Variants in FRMD4B observed in about 807,000 individuals in gnomAD.
FRMD4B encodes FERM domain containing 4B.
A neutral mutation model predicts 141.5 loss-of-function variants in FRMD4B; 74 were observed. The observed-to-expected ratio is 0.52, with a 90% CI of 0.43 to 0.63. FRMD4B has a LOEUF of 0.63. FRMD4B is among the 30% of genes least tolerant of loss of function. FRMD4B has a pLI of 0.00. For synonymous variants in FRMD4B, 506 were observed against 467.9 expected (o/e 1.08, Z -1.05); for missense variants, 1,366 against 1,253.4 (o/e 1.09, Z -1.36).
chr3:69,214,101 C>T (rs887964756), intron 11 of FRMD4B, among the ~76,000 whole-genome samples: 2 of 152,112 alleles, frequency 1.3e-5, no homozygotes. Context: ...TTTGTGTTAT[C>T]TGTGTCAGTT....
intron 4 of FRMD4B, among the ~76,000 whole-genome samples, chr3:69,299,089 C>A (rs1405833259): frequency 6.6e-6 from 1 of 152,014 alleles, no homozygotes; most frequent in African/African-American, 2.4e-5. Flanking sequence ...GAGATTTTTG[C>A]CTTCTTCACT....
intron 5 of FRMD4B, among the ~76,000 whole-genome samples, chr3:69,271,141 A>G (rs368102617): frequency 6.6e-6 from 1 of 152,212 alleles, no homozygotes; most frequent in Non-Finnish European, 1.5e-5. Flanking sequence ...AAATATCAGT[A>G]GTAGGCTTAA....
At chr3:69,302,268 A>G (rs1701241257) in intron 4 of FRMD4B, 75 bp downstream of exon 4, 1 of 752,294 alleles carries the variant, frequency 1.3e-6, no homozygotes, top group South Asian at 1.5e-5. Flanking sequence ...TGTAAAAAAT[A>G]GCAAAGAAAA....
chr3:69,220,866 T>C (rs770758643), intron 9 of FRMD4B, among the ~76,000 whole-genome samples: 5 of 151,990 alleles, frequency 3.3e-5, no homozygotes, highest in Non-Finnish European at 7.4e-5. Context: ...AAAGAGAGAT[T>C]AGAGCAAAGA....
chr3:69,216,427 C>CTT, intron 10 of FRMD4B, 78 bp from the exon 11 acceptor site: 13 of 607,788 alleles, frequency 2.1e-5, no homozygotes, highest in South Asian at 4.0e-5. Context: ...CCAATTTCAC[C>CTT]TCTTTTTTTT....
chr3:69,427,904 C>T (rs1705113844), intron 2 of FRMD4B, among the ~76,000 whole-genome samples: 1 of 152,020 alleles, frequency 6.6e-6, no homozygotes, highest in Admixed American at 6.6e-5. Context: ...GATCTGCCCA[C>T]CTCGGCCTCC....
chr3:69,422,633 C>A (rs1705000379), intron 2 of FRMD4B, among the ~76,000 whole-genome samples: 1 of 152,150 alleles, frequency 6.6e-6, no homozygotes, highest in African/African-American at 2.4e-5. Flanking sequence ...GGCAATTATT[C>A]ATTTCTGCCT....
intron 1 of FRMD4B, among the ~76,000 whole-genome samples, chr3:69,363,911 T>A (rs1703555394): frequency 6.6e-6 from 1 of 152,172 alleles, no homozygotes; most frequent in Non-Finnish European, 1.5e-5. Flanking sequence ...GGTGATCACC[T>A]CCAGCCTGAG....
intron 5 of FRMD4B, among the ~76,000 whole-genome samples, chr3:69,272,573 G>C (rs188545211): frequency 5.8e-4 from 89 of 152,220 alleles, no homozygotes; most frequent in Non-Finnish European, 1.1e-3. Context: ...ACATACACTC[G>C]TATGTGTGTA....
intron 1 of FRMD4B, among the ~76,000 whole-genome samples, chr3:69,346,494 C>T (rs1364706857): frequency 6.6e-6 from 1 of 152,110 alleles, no homozygotes; most frequent in Non-Finnish European, 1.5e-5. Flanking sequence ...CACAAAGATA[C>T]TCCTCGAGAA....
Position 69,460,693 on chromosome 3 carries a change from T to C in FRMD4B, c.-128-27932A>G, listed in dbSNP as rs550357127. On this transcript the variant is annotated intron_variant, in intron 1 of 5. Transcript: ENST00000459638. The stretch of plus-strand genomic sequence containing the variant: ...TGCCATTACTTAACCAAAGCAACCA[T>C]AGACAATATGGAAACAAATGGGTGT... Among the ~76,000 whole-genome samples, 18 of 152,264 alleles carry C rather than the reference T, an allele frequency of 1.2e-4. No homozygotes were observed. The South Asian group carries it at 3.3e-3, about 28-fold the overall frequency.
intron 5 of FRMD4B, among the ~76,000 whole-genome samples, chr3:69,251,720 C>A (rs1018563562): frequency 6.6e-6 from 1 of 152,204 alleles, no homozygotes; most frequent in African/African-American, 2.4e-5. Context: ...ATTACAAAAT[C>A]AAAGGGAAGC....
intron 1 of FRMD4B, among the ~76,000 whole-genome samples, chr3:69,495,767 A>G (rs1559545229): frequency 6.6e-6 from 1 of 152,206 alleles, no homozygotes; most frequent in Non-Finnish European, 1.5e-5. Context: ...AAGAGATGCT[A>G]AAGGGACTGT....
intron 1 of FRMD4B, among the ~76,000 whole-genome samples, chr3:69,474,696 C>T (rs1467342580): frequency 2.1e-5 from 3 of 144,364 alleles, no homozygotes; most frequent in East Asian, 2.0e-4. Context: ...GCATTGCTGC[C>T]GATCTTGTGT....
At position 69,536,582 on chromosome 3, in the gene FRMD4B, C is replaced by T. The variant is rs535278130; in HGVS notation, c.-129+5624G>A. 9.2e-4 allele frequency: 691 copies of T among 749,786 alleles called. 1 individual carries two copies. Among genetic ancestry groups the T allele is most frequent in the Middle Eastern group, 6.5e-3 (24 of 3,712 alleles). The allele number at this position is 749,786 out of a possible 1,614,324, so 46.4% of individuals were successfully genotyped here. Reference sequence around the variant, plus strand: ...GAGAGGGCAGGAGGCGGCATGCCACCGGGAAGCTGCTGCAGCTCAGGCCTG... The same window carrying T: ...GAGAGGGCAGGAGGCGGCATGCCACTGGGAAGCTGCTGCAGCTCAGGCCTG... On this transcript the variant is annotated intron_variant, in intron 1 of 5. Coordinates refer to the FRMD4B transcript ENST00000459638.
At chr3:69,434,759 G>A (rs1489243815) in intron 1 of FRMD4B, among the ~76,000 whole-genome samples, 3 of 152,190 alleles carry the variant, frequency 2.0e-5, no homozygotes, top group Non-Finnish European at 4.4e-5. Context: ...GCAAAGAAAT[G>A]TTAAGATCTC....
chr3:69,466,758 T>C (rs1189993359), intron 1 of FRMD4B, among the ~76,000 whole-genome samples: 4 of 152,166 alleles, frequency 2.6e-5, no homozygotes, highest in Non-Finnish European at 5.9e-5. Context: ...GTGCAGTGGC[T>C]CAATCATGGC....
rs535347198 is a variant in FRMD4B, at chr3:69,529,347, G to T, written c.-129+12859C>A. On this transcript the variant is annotated intron_variant, in intron 1 of 5. Coordinates refer to the FRMD4B transcript ENST00000459638. ...GAATAACCAAGCATGTCTATAGGCA[G>T]AATGTAGCCTATGGGCCATTAGTTT... Among the ~76,000 whole-genome samples, 3 of 152,328 alleles carry T rather than the reference G, an allele frequency of 2.0e-5. No homozygotes were observed. In the South Asian group the frequency reaches 6.2e-4, roughly 32 times the overall value.
At chr3:69,198,955 C>T in intron 11 of FRMD4B, 181 bp from the exon 12 acceptor site, 1 of 586,938 alleles carries the variant, frequency 1.7e-6, no homozygotes, top group East Asian at 2.9e-5. Context: ...ATTCCTTCTT[C>T]TGGCAGCAAT....
Sources: gnomAD v4.1 joint callset for allele counts (sites outside exome capture counted in the v4.1 genomes callset) on GRCh38, gnomAD v4.1.1 for gene constraint, MANE v1.5 for transcripts, NCBI Gene and HGNC (gene_info 2026-07-23, HGNC 2026-07-21) for gene names.